The following ACAP2 variants were observed in gnomAD, a reference collection of about 807,000 sequenced individuals.
The protein encoded by ACAP2 is ArfGAP with coiled-coil, ankyrin repeat and PH domains 2.
A neutral mutation model predicts 115.8 loss-of-function variants in ACAP2; 39 were observed. The observed-to-expected ratio is 0.34, with a 90% confidence interval of 0.26 to 0.44. The LOEUF is 0.44. Among genes scored for constraint, ACAP2 ranks in the 20% least tolerant of loss-of-function variants. ACAP2 has a pLI of 1.00. For synonymous variants in ACAP2, 289 were observed against 315.8 expected (o/e 0.92, Z 0.90); for missense variants, 662 against 927.6 (o/e 0.71, Z 3.72).
intron 4 of ACAP2, among the ~76,000 whole-genome samples, chr3:195,373,021 A>G (rs1241928107): frequency 1.4e-5 from 2 of 147,588 alleles, no homozygotes; most frequent in Non-Finnish European, 3.0e-5. Context: ...AAGCCTAATG[A>G]TAAAAGTAAA....
At chr3:195,382,148 A>C in intron 2 of ACAP2, 126 bp from the exon 3 acceptor site, 3 of 821,678 alleles carry the variant, frequency 3.7e-6, no homozygotes, top group South Asian at 3.5e-5. Context: ...GATAAACTCA[A>C]AACAGACTAA....
At chr3:195,341,522 C>T (rs1027235085) in intron 6 of ACAP2, among the ~76,000 whole-genome samples, 15 of 151,990 alleles carry the variant, frequency 9.9e-5, no homozygotes, top group South Asian at 2.1e-4. Flanking sequence ...GACGGGGTTT[C>T]GCCGTGTTAG....
At position 195,292,751 on chromosome 3, in the gene ACAP2, G is replaced by A. The variant is rs180731558; in HGVS notation, c.1766-299C>T. On this transcript the variant is annotated intron_variant, in intron 18 of 22. Transcript: ENST00000326793. The stretch of plus-strand genomic sequence containing the variant: ...AGCCTGGCCAACATGGTGAAACCTC[G>A]TCTTTACTAAAAATACAAAAATTAA... 5.3e-4 allele frequency among the ~76,000 whole-genome samples: 80 copies of A among 151,638 alleles called. No individual in the cohort carries two copies. The East Asian group carries it at 5.8e-3, about 11-fold the overall frequency.
intron 8 of ACAP2, among the ~76,000 whole-genome samples, chr3:195,328,133 G>A (rs1729921175): frequency 6.6e-6 from 1 of 152,044 alleles, no homozygotes; most frequent in Admixed American, 6.5e-5. Context: ...GGGTTTCATT[G>A]TCTAGACTAT....
chr3:195,327,074 T>C, intron 8 of ACAP2, 115 bp from the exon 9 acceptor site: 1 of 1,015,618 alleles, frequency 9.8e-7, no homozygotes, highest in Non-Finnish European at 1.4e-6. Flanking sequence ...TTAAGCTGAT[T>C]TAATAAAGTT....
intron 4 of ACAP2, among the ~76,000 whole-genome samples, chr3:195,374,939 C>T (rs1379231039): frequency 6.6e-6 from 1 of 152,002 alleles, no homozygotes; most frequent in African/African-American, 2.4e-5. Context: ...CTCGTGTAAT[C>T]CCAGCACTTT....
intron 1 of ACAP2, among the ~76,000 whole-genome samples, chr3:195,407,257 G>A (rs1334470164): frequency 6.6e-6 from 1 of 150,528 alleles, no homozygotes. Context: ...CAGCACTTTG[G>A]GAAACTGAGG....
At chr3:195,315,925 T>C (rs142700812) in intron 10 of ACAP2, among the ~76,000 whole-genome samples, 1 of 152,342 alleles carries the variant, frequency 6.6e-6, no homozygotes, top group East Asian at 1.9e-4. Flanking sequence ...CTTCCTTCTA[T>C]TGTCCTAAAT....
chr3:195,338,567 T>A (rs1730664916), intron 6 of ACAP2, among the ~76,000 whole-genome samples: 1 of 152,108 alleles, frequency 6.6e-6, no homozygotes, highest in Non-Finnish European at 1.5e-5. Flanking sequence ...GCAATCCTCC[T>A]GCCTTGGCCT....
At chr3:195,295,647 T>C (rs750512020) in intron 17 of ACAP2, 61 bp downstream of exon 17, 50 of 1,574,272 alleles carry the variant, frequency 3.2e-5, no homozygotes, top group Non-Finnish European at 4.2e-5. Context: ...AGTTCAGGGA[T>C]TATAAAAGTG....
intron 4 of ACAP2, among the ~76,000 whole-genome samples, chr3:195,370,725 G>A (rs1733071854): frequency 6.6e-6 from 1 of 152,164 alleles, no homozygotes; most frequent in East Asian, 1.9e-4. Flanking sequence ...CCAAGGCAGG[G>A]GATCACTTGA....
intron 4 of ACAP2, among the ~76,000 whole-genome samples, chr3:195,371,566 C>T (rs1733145268): frequency 6.6e-6 from 1 of 152,198 alleles, no homozygotes; most frequent in Non-Finnish European, 1.5e-5. Context: ...TGTCTGACTG[C>T]TCTGGCCAGG....
At chr3:195,331,448 G>A (rs1181782665) in intron 8 of ACAP2, among the ~76,000 whole-genome samples, 1 of 151,896 alleles carries the variant, frequency 6.6e-6, no homozygotes. Context: ...GAGTAGCTGG[G>A]ACTACAGGCA....
chr3:195,400,115 T>C (rs552016771), intron 1 of ACAP2, among the ~76,000 whole-genome samples: 9 of 151,858 alleles, frequency 5.9e-5, no homozygotes, highest in African/African-American at 1.9e-4. Flanking sequence ...GAGCCAAAGG[T>C]TGTGGTGAGC....
chr3:195,281,297 C>A (rs879505127), intron 22 of ACAP2, among the ~76,000 whole-genome samples: 1 of 151,638 alleles, frequency 6.6e-6, no homozygotes, highest in African/African-American at 2.4e-5. Context: ...CCCAGCTACT[C>A]GGGAGGCCAA....
intron 20 of ACAP2, among the ~76,000 whole-genome samples, chr3:195,289,609 G>A (rs1411118618): frequency 6.6e-6 from 1 of 151,530 alleles, no homozygotes; most frequent in African/African-American, 2.4e-5. Context: ...GACCATCCTG[G>A]CTAACAAGGT....
intron 9 of ACAP2, 181 bp downstream of exon 9, chr3:195,326,704 A>G (rs1286256720): frequency 1.9e-6 from 1 of 527,748 alleles, no homozygotes; most frequent in Non-Finnish European, 3.3e-6. Context: ...TGAAAAAATA[A>G]CAAAATACAT....
Position 195,405,774 on chromosome 3 carries a change from T to G in ACAP2, c.54-13627A>C, listed in dbSNP as rs1422282139. On this transcript the variant is annotated intron_variant, in intron 1 of 22. Transcript: ENST00000326793. Reference sequence around the variant, plus strand: ...GGTTCTGCAGGCTGTATAGGAAGCATGATAGTGGCTTCAGGAAGGCCTCAG... The same window carrying G: ...GGTTCTGCAGGCTGTATAGGAAGCAGGATAGTGGCTTCAGGAAGGCCTCAG... Among the ~76,000 whole-genome samples the G allele has an allele frequency of 1.3e-5, 2 of 151,852 alleles. 1 individual carries two copies. The highest frequency in any genetic ancestry group is 4.8e-5 in the African/African-American group (2 of 41,332).
At chr3:195,430,426 T>C (rs1194482190) in intron 1 of ACAP2, among the ~76,000 whole-genome samples, 2 of 152,116 alleles carry the variant, frequency 1.3e-5, no homozygotes, top group African/African-American at 4.8e-5. Context: ...AAAAATCATA[T>C]GGGGAGGCCA....
Sources: allele counts gnomAD v4.1 joint callset (sites outside exome capture counted in the v4.1 genomes callset), GRCh38; gene constraint gnomAD v4.1.1; transcripts MANE v1.5; gene names NCBI Gene and HGNC (gene_info 2026-07-23, HGNC 2026-07-21).